The following TENM3 variants were observed in gnomAD, a reference collection of about 807,000 sequenced individuals.
TENM3 encodes teneurin transmembrane protein 3.
Under a neutral mutation model 255.1 loss-of-function variants are expected in TENM3, and 63 were observed. The ratio of observed to expected loss-of-function variants is 0.25; its 90% CI spans 0.20 to 0.30. The LOEUF is 0.30. Ranked by LOEUF, TENM3 falls within the 10% of genes least tolerant of loss-of-function variation. TENM3 has a pLI of 1.00. For missense variants in TENM3, 2,929 were observed against 3,461.1 expected, an observed-to-expected ratio of 0.85 and a Z score of 3.86; for synonymous variants, 1,306 against 1,322.3, an observed-to-expected ratio of 0.99 and a Z score of 0.27.
chr4:181,605,584 G>GATAGAAAGAAAGAAAGAAAGAAAGAAA, the TENM3 span, among the ~76,000 whole-genome samples: 2 of 69,142 alleles, frequency 2.9e-5, no homozygotes, highest in Admixed American at 1.6e-4. Flanking sequence ...GAGAAAGAAA[G>GATAGAAAGAAAGAAAGAAAGAAAGAAA]GAAAGAAAGA....
intron 3 of TENM3, among the ~76,000 whole-genome samples, chr4:182,567,786 A>G (rs1743941166): frequency 6.6e-6 from 1 of 150,656 alleles, no homozygotes; most frequent in South Asian, 2.1e-4. Flanking sequence ...TCAAGTTACC[A>G]TATAATTTAC....
At chr4:182,689,382 G>A (rs1756844052) in intron 12 of TENM3, among the ~76,000 whole-genome samples, 1 of 152,130 alleles carries the variant, frequency 6.6e-6, no homozygotes, top group Non-Finnish European at 1.5e-5. Context: ...TTTGTCATGG[G>A]AAAATTGAAA....
chr4:182,570,933 A>G (rs765852007), intron 3 of TENM3, among the ~76,000 whole-genome samples: 4 of 152,140 alleles, frequency 2.6e-5, no homozygotes, highest in Non-Finnish European at 4.4e-5. Context: ...ACACTGTGAG[A>G]AGGCTGTGTG....
intron 19 of TENM3, among the ~76,000 whole-genome samples, chr4:182,746,681 A>ACAT (rs1325798935): frequency 6.6e-6 from 1 of 152,216 alleles, no homozygotes; most frequent in Non-Finnish European, 1.5e-5. Flanking sequence ...AAATGATTGA[A>ACAT]CATCAGATCA....
chr4:182,567,119 C>T (rs151011027), intron 3 of TENM3, among the ~76,000 whole-genome samples: 182 of 152,232 alleles, frequency 1.2e-3, no homozygotes, highest in African/African-American at 4.0e-3. Flanking sequence ...GAAATCAAAA[C>T]GTAGGTCGTA....
the TENM3 span, among the ~76,000 whole-genome samples, chr4:181,794,923 A>G: frequency 6.6e-6 from 1 of 152,150 alleles, no homozygotes; most frequent in Non-Finnish European, 1.5e-5. Flanking sequence ...TCCAAATCCC[A>G]GCTGCATCAG....
chr4:181,675,017 A>T, the TENM3 span, among the ~76,000 whole-genome samples: 1 of 152,076 alleles, frequency 6.6e-6, no homozygotes, highest in African/African-American at 2.4e-5. Flanking sequence ...CTCAAGTAAA[A>T]TCTACTTGAC....
chr4:182,638,501 G>C (rs914787361), intron 5 of TENM3, among the ~76,000 whole-genome samples: 9 of 152,088 alleles, frequency 5.9e-5, no homozygotes, highest in African/African-American at 2.2e-4. Context: ...CCCCCATTGT[G>C]CATCTTCCCA....
At chr4:181,798,508 T>C in the TENM3 span, among the ~76,000 whole-genome samples, 1 of 151,986 alleles carries the variant, frequency 6.6e-6, no homozygotes, top group Non-Finnish European at 1.5e-5. Flanking sequence ...ATCATGGTGC[T>C]TAGGAAAAGG....
the TENM3 span, among the ~76,000 whole-genome samples, chr4:182,042,392 T>C: frequency 6.6e-6 from 1 of 152,170 alleles, no homozygotes; most frequent in Non-Finnish European, 1.5e-5. Flanking sequence ...ACAAAAGAAT[T>C]TACAAGAGAA....
intron 3 of TENM3, among the ~76,000 whole-genome samples, chr4:182,358,425 G>C (rs1411645474): frequency 1.3e-5 from 2 of 151,078 alleles, no homozygotes; most frequent in Non-Finnish European, 2.9e-5. Flanking sequence ...CCTTGAAGAG[G>C]TCCTTCACAT....
At chr4:181,825,270 G>A in the TENM3 span, among the ~76,000 whole-genome samples, 198 of 152,052 alleles carry the variant, frequency 1.3e-3, 1 homozygote, top group Non-Finnish European at 1.8e-3. Context: ...TTGTGTTGGC[G>A]TGAGCCTGTA....
At chr4:182,202,095 C>G (rs986999892) in intron 1 of TENM3, among the ~76,000 whole-genome samples, 1 of 152,120 alleles carries the variant, frequency 6.6e-6, no homozygotes, top group Admixed American at 6.5e-5. Context: ...TGGGCCTGTC[C>G]CTGTGCCAAT....
At chr4:181,841,851 A>T in the TENM3 span, among the ~76,000 whole-genome samples, 1 of 152,174 alleles carries the variant, frequency 6.6e-6, no homozygotes, top group Admixed American at 6.5e-5. Flanking sequence ...AAACACTGAC[A>T]TTTACAAAAA....
chr4:182,749,997 C>T (rs1329541927), intron 19 of TENM3, among the ~76,000 whole-genome samples: 3 of 147,628 alleles, frequency 2.0e-5, no homozygotes, highest in African/African-American at 7.4e-5. Flanking sequence ...AAAAAAAAAC[C>T]TCTAAAATTG....
the TENM3 span, among the ~76,000 whole-genome samples, chr4:181,642,134 T>G: frequency 9.9e-5 from 15 of 152,066 alleles, no homozygotes; most frequent in African/African-American, 3.6e-4. Flanking sequence ...CCAGCACCTC[T>G]TGTTTCCTGA....
the TENM3 span, among the ~76,000 whole-genome samples, chr4:181,658,896 C>T: frequency 2.0e-5 from 3 of 152,152 alleles, no homozygotes; most frequent in Admixed American, 1.3e-4. Flanking sequence ...TGACCCAAAG[C>T]GTGCGCCTAT....
intron 3 of TENM3, among the ~76,000 whole-genome samples, chr4:182,486,318 G>GGT (rs1467221320): frequency 2.1e-5 from 3 of 145,162 alleles, no homozygotes; most frequent in African/African-American, 4.9e-5. Context: ...TTGTGTGTGG[G>GGT]GGGGAGGGTG....
the TENM3 span, among the ~76,000 whole-genome samples, chr4:181,964,236 A>C: frequency 7.2e-5 from 11 of 152,110 alleles, no homozygotes; most frequent in Admixed American, 6.6e-4. Context: ...CTCCAATTGC[A>C]CCTAGACACA....
Sources: allele counts gnomAD v4.1 joint callset (sites outside exome capture counted in the v4.1 genomes callset), GRCh38; gene constraint gnomAD v4.1.1; transcripts MANE v1.5; gene names NCBI Gene and HGNC (gene_info 2026-07-23, HGNC 2026-07-21).